RABGAP1L: variants seen among roughly 807,000 people sequenced by gnomAD.
The protein encoded by RABGAP1L is RAB GTPase activating protein 1 like, also known as rab GTPase-activating protein 1-like.
RABGAP1L carries 63 observed loss-of-function variants against 137.7 expected under a neutral mutation model. The observed-to-expected ratio is 0.46, with a 90% CI of 0.37 to 0.56. RABGAP1L has a LOEUF of 0.56. Among genes scored for constraint, RABGAP1L ranks in the 20% least tolerant of loss-of-function variants. The pLI is 0.00. For missense variants in RABGAP1L, 1,095 were observed against 1,244.0 expected, an observed-to-expected ratio of 0.88 and a Z score of 1.80; for synonymous variants, 431 against 433.7, an observed-to-expected ratio of 0.99 and a Z score of 0.08.
intron 13 of RABGAP1L, among the ~76,000 whole-genome samples, chr1:174,587,504 A>G (rs1669215981): frequency 6.6e-6 from 1 of 151,878 alleles, no homozygotes; most frequent in Admixed American, 6.6e-5. Context: ...GAGAAGAAAA[A>G]TCACGTCTTC....
At chr1:174,600,192 G>C (rs528445063) in intron 13 of RABGAP1L, among the ~76,000 whole-genome samples, 1 of 152,184 alleles carries the variant, frequency 6.6e-6, no homozygotes, top group Non-Finnish European at 1.5e-5. Flanking sequence ...GAATAGCACG[G>C]GAAAGACCAT....
At chr1:174,556,681 T>C (rs1378865081) in intron 13 of RABGAP1L, among the ~76,000 whole-genome samples, 2 of 152,204 alleles carry the variant, frequency 1.3e-5, no homozygotes, top group Admixed American at 1.3e-4. Flanking sequence ...AGGAAGTTCT[T>C]TAGTGAGGGC....
At chr1:174,727,368 C>G (rs1682070521) in intron 17 of RABGAP1L, among the ~76,000 whole-genome samples, 1 of 152,136 alleles carries the variant, frequency 6.6e-6, no homozygotes, top group Non-Finnish European at 1.5e-5. Flanking sequence ...ATATGGTGAT[C>G]CTATTTAAAT....
intron 13 of RABGAP1L, among the ~76,000 whole-genome samples, chr1:174,605,606 C>T (rs1013684709): frequency 2.6e-5 from 4 of 151,968 alleles, no homozygotes; most frequent in Admixed American, 2.0e-4. Flanking sequence ...TTGTCTGAAG[C>T]GGATCTGGTC....
chr1:174,811,706 A>G (rs891683814), intron 18 of RABGAP1L, 126 bp from the exon 19 acceptor site: 7 of 926,194 alleles, frequency 7.6e-6, no homozygotes, highest in Non-Finnish European at 8.8e-6. Context: ...TCTTCTTAAA[A>G]TGTTTGGAAC....
At chr1:174,390,670 T>C (rs1205746022) in intron 12 of RABGAP1L, among the ~76,000 whole-genome samples, 1 of 152,060 alleles carries the variant, frequency 6.6e-6, no homozygotes, top group East Asian at 1.9e-4. Flanking sequence ...TTGGTTGCAG[T>C]TGAGATGGAA....
At chr1:174,161,100 A>G (rs896740592) in intron 1 of RABGAP1L, among the ~76,000 whole-genome samples, 1 of 152,188 alleles carries the variant, frequency 6.6e-6, no homozygotes, top group Non-Finnish European at 1.5e-5. Context: ...ACTGGTGTCT[A>G]TACTAAATCA....
chr1:174,834,426 G>GGA (rs1692508115), intron 19 of RABGAP1L, among the ~76,000 whole-genome samples: 1 of 129,642 alleles, frequency 7.7e-6, no homozygotes, highest in Non-Finnish European at 1.6e-5. Flanking sequence ...AACTCCGTCT[G>GGA]AAAAAAAAAA....
intron 13 of RABGAP1L, among the ~76,000 whole-genome samples, chr1:174,404,191 A>G (rs765409060): frequency 3.3e-5 from 5 of 152,210 alleles, no homozygotes; most frequent in Non-Finnish European, 7.4e-5. Context: ...TCAAATGTGT[A>G]GAATACAGAA....
chr1:174,522,041 T>C (rs59504157), intron 13 of RABGAP1L, among the ~76,000 whole-genome samples: 139 of 151,460 alleles, frequency 9.2e-4, no homozygotes, highest in African/African-American at 3.2e-3. Flanking sequence ...ATGGTGCCAC[T>C]GCACTACAGC....
At chr1:174,319,698 T>C (rs1458744120) in intron 11 of RABGAP1L, among the ~76,000 whole-genome samples, 1 of 152,196 alleles carries the variant, frequency 6.6e-6, no homozygotes, top group Non-Finnish European at 1.5e-5. Context: ...TAGGTGTTCT[T>C]TATCAAGGTG....
At chr1:174,511,345 T>C (rs1044482304) in intron 13 of RABGAP1L, among the ~76,000 whole-genome samples, 3 of 152,184 alleles carry the variant, frequency 2.0e-5, no homozygotes, top group Non-Finnish European at 4.4e-5. Flanking sequence ...TGCAATTTTC[T>C]TTGGTTATAA....
intron 13 of RABGAP1L, among the ~76,000 whole-genome samples, chr1:174,611,029 T>G (rs1046123675): frequency 2.0e-5 from 3 of 150,328 alleles, no homozygotes; most frequent in African/African-American, 7.4e-5. Flanking sequence ...GATGGTAGTT[T>G]CTTTTGCTGT....
chr1:174,231,384 A>G (rs1308490526), intron 4 of RABGAP1L, 29 bp downstream of exon 4: 6 of 1,584,166 alleles, frequency 3.8e-6, no homozygotes, highest in Non-Finnish European at 5.2e-6. Context: ...TTCTTTAGAC[A>G]CATATTAAGT....
chr1:174,769,452 A>G (rs993477445), intron 18 of RABGAP1L, among the ~76,000 whole-genome samples: 3 of 152,152 alleles, frequency 2.0e-5, no homozygotes, highest in Non-Finnish European at 4.4e-5. Flanking sequence ...GGAAAGTTGC[A>G]TATCTTGTGA....
intron 11 of RABGAP1L, among the ~76,000 whole-genome samples, chr1:174,359,200 A>G (rs1188948068): frequency 1.5e-5 from 2 of 137,718 alleles, no homozygotes; most frequent in Non-Finnish European, 1.6e-5. Context: ...TCTACTTGCA[A>G]GCCTTCTCGG....
chr1:174,296,162 G>A (rs921370245), intron 10 of RABGAP1L, among the ~76,000 whole-genome samples: 1 of 152,176 alleles, frequency 6.6e-6, no homozygotes, highest in African/African-American at 2.4e-5. Context: ...TAAAGTATCA[G>A]TTACTGCAAG....
chr1:174,878,477 C>T (rs1309713738), intron 19 of RABGAP1L, among the ~76,000 whole-genome samples: 1 of 152,096 alleles, frequency 6.6e-6, no homozygotes, highest in Non-Finnish European at 1.5e-5. Context: ...CCGCCTGCCT[C>T]ACCTCCCAAA....
intron 6 of RABGAP1L, 133 bp downstream of exon 6, chr1:174,250,765 T>C (rs768238045): frequency 4.4e-4 from 339 of 773,892 alleles, no homozygotes; most frequent in Middle Eastern, 1.0e-3. Flanking sequence ...TGAATTAATA[T>C]TTTTTATTCT....
Sources: gnomAD v4.1 joint callset for allele counts (sites outside exome capture counted in the v4.1 genomes callset) on GRCh38, gnomAD v4.1.1 for gene constraint, MANE v1.5 for transcripts, NCBI Gene and HGNC (gene_info 2026-07-23, HGNC 2026-07-21) for gene names.